Variants in PLPPR1 observed in about 807,000 individuals in gnomAD.
PLPPR1 encodes phospholipid phosphatase-related protein type 1.
Under a neutral mutation model 33.1 loss-of-function variants are expected in PLPPR1, and 10 were observed. The ratio of observed to expected loss-of-function variants is 0.30; its 90% CI spans 0.19 to 0.51. The LOEUF is 0.51. Ranked by LOEUF, PLPPR1 falls within the 20% of genes least tolerant of loss-of-function variation. The pLI is 0.97. For synonymous variants in PLPPR1, 151 were observed against 151.0 expected, an observed-to-expected ratio of 1.00 and a Z score of 0.00; for missense variants, 304 against 408.1, an observed-to-expected ratio of 0.74 and a Z score of 2.20.
At chr9:101,266,423 A>C (rs1828000164) in intron 2 of PLPPR1, among the ~76,000 whole-genome samples, 1 of 143,972 alleles carries the variant, frequency 6.9e-6, no homozygotes, top group Admixed American at 7.0e-5. Context: ...AAAGAAAGAA[A>C]GAAATAAAGA....
intron 1 of PLPPR1, among the ~76,000 whole-genome samples, chr9:101,046,262 C>G (rs1255389475): frequency 6.6e-6 from 1 of 152,004 alleles, no homozygotes; most frequent in African/African-American, 2.4e-5. Context: ...GTCTACTCTT[C>G]TGGCCATTTT....
At chr9:101,174,944 A>T (rs989703921) in intron 1 of PLPPR1, among the ~76,000 whole-genome samples, 1 of 152,198 alleles carries the variant, frequency 6.6e-6, no homozygotes, top group Admixed American at 6.6e-5. Flanking sequence ...TGTAATTCTT[A>T]TCCTTGAAGT....
At chr9:101,164,214 A>G (rs1488398885) in intron 1 of PLPPR1, among the ~76,000 whole-genome samples, 1 of 152,208 alleles carries the variant, frequency 6.6e-6, no homozygotes, top group Non-Finnish European at 1.5e-5. Flanking sequence ...TCTAATACTT[A>G]TCAGCTGTGT....
At chr9:101,115,264 A>G (rs1831104779) in intron 1 of PLPPR1, among the ~76,000 whole-genome samples, 1 of 152,344 alleles carries the variant, frequency 6.6e-6, no homozygotes. Flanking sequence ...AGGCAGCCTA[A>G]GCATTTACAT....
intron 2 of PLPPR1, among the ~76,000 whole-genome samples, chr9:101,241,462 A>T (rs140757502): frequency 6.6e-6 from 1 of 152,228 alleles, no homozygotes; most frequent in East Asian, 1.9e-4. Flanking sequence ...TGTTTTAAGA[A>T]AATCTATGAA....
At chr9:101,317,705 A>G (rs529239746) in intron 7 of PLPPR1, among the ~76,000 whole-genome samples, 2 of 152,294 alleles carry the variant, frequency 1.3e-5, no homozygotes, top group South Asian at 4.1e-4. Context: ...GAATCCTCAG[A>G]GAGTTCTTAG....
intron 2 of PLPPR1, among the ~76,000 whole-genome samples, chr9:101,252,347 C>G (rs1827727040): frequency 6.6e-6 from 1 of 152,102 alleles, no homozygotes; most frequent in Non-Finnish European, 1.5e-5. Flanking sequence ...ATTACTTTCT[C>G]TAGTATAATT....
chr9:101,260,421 A>G (rs1827878255), intron 2 of PLPPR1, among the ~76,000 whole-genome samples: 1 of 152,142 alleles, frequency 6.6e-6, no homozygotes, highest in Non-Finnish European at 1.5e-5. Flanking sequence ...GAGAATGTGG[A>G]AGCCTGAAGG....
intron 3 of PLPPR1, among the ~76,000 whole-genome samples, chr9:101,275,272 C>T (rs1294739543): frequency 1.3e-5 from 2 of 152,220 alleles, no homozygotes; most frequent in African/African-American, 2.4e-5. Context: ...TGCACTGCTG[C>T]GCGTCTGCAG....
At chr9:101,131,082 C>T (rs1831308349) in intron 1 of PLPPR1, among the ~76,000 whole-genome samples, 1 of 152,166 alleles carries the variant, frequency 6.6e-6, no homozygotes, top group Non-Finnish European at 1.5e-5. Flanking sequence ...ATGGCCTCTA[C>T]TTCCCTTCTC....
At chr9:101,189,386 G>A (rs1464887118) in intron 2 of PLPPR1, among the ~76,000 whole-genome samples, 1 of 152,094 alleles carries the variant, frequency 6.6e-6, no homozygotes, top group Non-Finnish European at 1.5e-5. Flanking sequence ...CAGGTAGCAG[G>A]CTCCAGAGAG....
intron 1 of PLPPR1, among the ~76,000 whole-genome samples, chr9:101,062,897 T>G (rs1245189885): frequency 1.3e-5 from 2 of 152,036 alleles, no homozygotes; most frequent in African/African-American, 2.4e-5. Context: ...GTAATCCTCA[T>G]GATGATGATA....
chr9:101,113,017 G>GA (rs1334013346), intron 1 of PLPPR1, among the ~76,000 whole-genome samples: 1 of 152,162 alleles, frequency 6.6e-6, no homozygotes, highest in Non-Finnish European at 1.5e-5. Context: ...TTTGGGAACT[G>GA]AAAAATCGTG....
chr9:101,310,659 A>AT (rs2118956311), intron 5 of PLPPR1, among the ~76,000 whole-genome samples: 1 of 152,378 alleles, frequency 6.6e-6, no homozygotes, highest in South Asian at 2.1e-4. Flanking sequence ...AATTTGTCAC[A>AT]TAAAAACTGC....
intron 1 of PLPPR1, among the ~76,000 whole-genome samples, chr9:101,040,596 C>A (rs573391518): frequency 2.6e-5 from 4 of 152,158 alleles, no homozygotes; most frequent in Non-Finnish European, 5.9e-5. Context: ...GCCTGTTCTG[C>A]AAAAACTTGA....
intron 3 of PLPPR1, among the ~76,000 whole-genome samples, chr9:101,282,368 C>T (rs1410933733): frequency 3.9e-5 from 6 of 152,004 alleles, no homozygotes; most frequent in South Asian, 2.1e-4. Flanking sequence ...TATCCTTTTA[C>T]GATTTAAAAA....
At chr9:101,299,344 G>A (rs1189821185) in intron 4 of PLPPR1, among the ~76,000 whole-genome samples, 1 of 152,174 alleles carries the variant, frequency 6.6e-6, no homozygotes, top group Non-Finnish European at 1.5e-5. Context: ...CTTGTGGCTG[G>A]GATTCAAGGA....
At chr9:101,245,898 G>C (rs1381792235) in intron 2 of PLPPR1, among the ~76,000 whole-genome samples, 1 of 151,368 alleles carries the variant, frequency 6.6e-6, no homozygotes, top group African/African-American at 2.4e-5. Context: ...AAGGGACAAA[G>C]AATATTAATC....
intron 1 of PLPPR1, among the ~76,000 whole-genome samples, chr9:101,171,773 T>C (rs903866932): frequency 6.6e-6 from 1 of 152,134 alleles, no homozygotes; most frequent in African/African-American, 2.4e-5. Context: ...CTTTGAGAAA[T>C]TAAATGCAAA....
Sources: allele counts gnomAD v4.1 joint callset (sites outside exome capture counted in the v4.1 genomes callset), GRCh38; gene constraint gnomAD v4.1.1; transcripts MANE v1.5; gene names NCBI Gene and HGNC (gene_info 2026-07-23, HGNC 2026-07-21).